The following TAFA3 variants were observed in gnomAD, a reference collection of about 807,000 sequenced individuals.
TAFA3 encodes the protein TAFA chemokine like family member 3.
Under a neutral mutation model 20.7 loss-of-function variants are expected in TAFA3, and 17 were observed. That is an observed-to-expected ratio of 0.82 (90% CI 0.56 to 1.23). The LOEUF (loss-of-function observed/expected upper bound fraction) is 1.23, where lower values mean the gene tolerates loss of function less well. Among genes scored for constraint, TAFA3 ranks in the 50% most tolerant of loss-of-function variants. The pLI, the probability that TAFA3 is intolerant of heterozygous loss-of-function variation, is 0.00. For missense variants in TAFA3, 174 were observed against 172.8 expected (o/e 1.01, Z -0.04); for synonymous variants, 74 against 71.8 (o/e 1.03, Z -0.16).
intron 1 of TAFA3, among the ~76,000 whole-genome samples, chr1:112,719,968 T>A (rs1675288998): frequency 6.6e-6 from 1 of 152,038 alleles, no homozygotes; most frequent in South Asian, 2.1e-4. Flanking sequence ...CTGCCTCCCT[T>A]TAGAGAGGTG....
intron 3 of TAFA3, 54 bp from the exon 4 acceptor site, chr1:112,722,962 G>C: frequency 6.4e-7 from 1 of 1,553,904 alleles, no homozygotes; most frequent in Admixed American, 1.8e-5. Context: ...CGGGTGGGCG[G>C]GAGGGAGCGG....
intron 5 of TAFA3, 142 bp downstream of exon 5, chr1:112,724,279 C>G: frequency 1.3e-6 from 1 of 775,682 alleles, no homozygotes; most frequent in Non-Finnish European, 2.0e-6. Context: ...ACAGTCCTCT[C>G]AGGTCTGTTC....
chr1:112,726,324 T>A (rs1675471619), intron 5 of TAFA3, among the ~76,000 whole-genome samples: 2 of 152,106 alleles, frequency 1.3e-5, no homozygotes. Flanking sequence ...ATATTTAAGA[T>A]CAGAAGAGAA....
intron 1 of TAFA3, among the ~76,000 whole-genome samples, chr1:112,719,571 A>C (rs143263388): frequency 9.9e-5 from 15 of 152,238 alleles, no homozygotes; most frequent in African/African-American, 3.4e-4. Flanking sequence ...ATAGAATGCC[A>C]GGGATGAGAG....
rs1405423757 is a variant in TAFA3 at position 112,723,107 on chromosome 1, C to T, written c.207C>T (p.Cys69=). ...AGGAGCGCTCCCAGACGGTGAAATG[C>T]TCCTGTTTTTCTGGCCAGGTGGCCG... The part of the protein sequence containing the change: ...RIEERSQTVK[C]SCFSGQVAGT... Residue 69 remains cysteine, a synonymous_variant, in exon 4 of 6, where the codon TGC becomes TGT. Coordinates refer to ENST00000361886, the MANE Select transcript of TAFA3 (RefSeq NM_182759.3). 1.2e-6 allele frequency: 2 copies of T among 1,613,358 alleles called. No homozygotes were observed. The highest frequency in any genetic ancestry group is 1.7e-5 in the Admixed American group (1 of 59,980).
intron 4 of TAFA3, 131 bp from the exon 5 acceptor site, chr1:112,723,882 A>C: frequency 1.9e-6 from 3 of 1,585,686 alleles, no homozygotes; most frequent in Non-Finnish European, 8.6e-7. Context: ...GGAGTAGGGG[A>C]AAGACAAGGG....
intron 4 of TAFA3, among the ~76,000 whole-genome samples, chr1:112,723,726 T>C (rs1675388191): frequency 6.6e-6 from 1 of 152,162 alleles, no homozygotes; most frequent in Admixed American, 6.5e-5. Flanking sequence ...TGGTTGTGCA[T>C]CGATGCTAGT....
At chr1:112,723,210 T>C (rs562402601) in intron 4 of TAFA3, 45 bp downstream of exon 4, 12 of 1,593,212 alleles carry the variant, frequency 7.5e-6, no homozygotes, top group South Asian at 2.3e-5. Flanking sequence ...AGCAGAGCCA[T>C]AAGGAGGCCT....
chr1:112,723,852 A>C (rs2101499670), intron 4 of TAFA3, 161 bp from the exon 5 acceptor site: 1 of 1,417,524 alleles, frequency 7.1e-7, no homozygotes, highest in South Asian at 1.3e-5. Flanking sequence ...CAGGCTGAGT[A>C]CTGCCTCTCT....
intron 4 of TAFA3, 97 bp from the exon 5 acceptor site, chr1:112,723,916 G>T (rs547190847): frequency 3.7e-6 from 6 of 1,611,540 alleles, no homozygotes; most frequent in South Asian, 2.2e-5. Flanking sequence ...AAGGCCAGGG[G>T]TGTGTGGAAA....
chr1:112,724,025 T>C lies in TAFA3; in HGVS notation c.278T>C (p.Leu93Pro), dbSNP rs1236833304. The C allele has an allele frequency of 1.2e-6, 2 of 1,613,940 alleles. No homozygotes were observed. Among genetic ancestry groups the C allele is most frequent in the Non-Finnish European group, 8.5e-7 (1 of 1,179,972 alleles). The part of the protein sequence containing the change: ...KPSCVDASIV[L>P]QRWWCQMEPC... ...CCTGCTCCCACAGCCTCCATCGTCC[T>C]GCAGAGATGGTGGTGTCAGATGGAG... The change falls in exon 5 of 6, where the codon CTG becomes CCG. Residue 93 changes from leucine (L) to proline (P), a missense_variant. Leu to Pro is a moderately conservative substitution (Grantham distance 98). Transcript: ENST00000361886.
chr1:112,719,187 C>T lies in TAFA3; in HGVS notation c.-172C>T, dbSNP rs759281684. Among the ~76,000 whole-genome samples, 3 of 152,240 alleles carry T rather than the reference C, an allele frequency of 2.0e-5. No homozygotes were observed. The highest frequency in any genetic ancestry group is 7.2e-5 in the African/African-American group (3 of 41,466). ...GACAGGGCTCCGGACTAGACAGCAC[C>T]CAAGCTGGCCGCTCCCTCCCAAAGT... is the stretch of plus-strand genomic sequence containing the variant. On this transcript the variant is annotated 5_prime_UTR_variant, in exon 1 of 6. Coordinates refer to ENST00000361886, the MANE Select transcript of TAFA3 (RefSeq NM_182759.3).
chr1:112,719,815 C>A (rs1350626160), intron 1 of TAFA3, among the ~76,000 whole-genome samples: 1 of 152,146 alleles, frequency 6.6e-6, no homozygotes, highest in African/African-American at 2.4e-5. Context: ...GTGGGAAGCT[C>A]AGCCCAGGGA....
At chr1:112,724,283 T>A in intron 5 of TAFA3, 146 bp downstream of exon 5, 1 of 772,718 alleles carries the variant, frequency 1.3e-6, no homozygotes, top group Non-Finnish European at 2.0e-6. Context: ...TCCTCTCAGG[T>A]CTGTTCTCAC....
At chr1:112,723,524 T>G (rs1323058339) in intron 4 of TAFA3, among the ~76,000 whole-genome samples, 3 of 152,130 alleles carry the variant, frequency 2.0e-5, no homozygotes, top group Non-Finnish European at 4.4e-5. Context: ...TTCTCAGCCC[T>G]TCTCTCACAC....
intron 1 of TAFA3, chr1:112,720,301 C>T (rs1675298560): frequency 6.6e-6 from 1 of 152,366 alleles, no homozygotes; most frequent in African/African-American, 2.4e-5. Context: ...TCCCTACCAT[C>T]ACCCTGCTTC....
Position 112,723,014 on chromosome 1 carries a change from A to G in TAFA3, c.116-2A>G, listed in dbSNP as rs760827176. 8.7e-6 allele frequency: 14 copies of G among 1,610,178 alleles called. No individual in the cohort carries two copies. Among genetic ancestry groups the G allele is most frequent in the Non-Finnish European group, 1.2e-5 (14 of 1,178,574 alleles). On this transcript the variant is annotated splice_acceptor_variant, in intron 3 of 5. Transcript: ENST00000361886. LOFTEE classifies it high-confidence loss of function. Reference sequence around the variant, plus strand: ...CGTCTGATCCTGGGCGGCTCCCCTCAGTGCTTGTGCAGCAGGGCACCTGCG... The same window carrying G: ...CGTCTGATCCTGGGCGGCTCCCCTCGGTGCTTGTGCAGCAGGGCACCTGCG...
At chr1:112,726,314 A>G (rs1009498329) in intron 5 of TAFA3, among the ~76,000 whole-genome samples, 5 of 152,204 alleles carry the variant, frequency 3.3e-5, no homozygotes, top group Admixed American at 1.3e-4. Context: ...CATTCTGAGT[A>G]TATTTAAGAT....
chr1:112,722,112 G>A (rs925497882), intron 2 of TAFA3, 121 bp from the exon 3 acceptor site: 5 of 980,400 alleles, frequency 5.1e-6, no homozygotes, highest in Non-Finnish European at 1.6e-6. Flanking sequence ...AGATGCCTGG[G>A]GACAAGGTGT....
Sources: allele counts gnomAD v4.1 joint callset (sites outside exome capture counted in the v4.1 genomes callset), GRCh38; gene constraint gnomAD v4.1.1; transcripts MANE v1.5; gene names NCBI Gene and HGNC (gene_info 2026-07-23, HGNC 2026-07-21).